Variants in AP2A2 observed in about 807,000 individuals in gnomAD.
The protein encoded by AP2A2 is adaptor related protein complex 2 subunit alpha 2, also known as AP-2 complex subunit alpha-2.
AP2A2 carries 32 observed loss-of-function variants against 104.2 expected under a neutral mutation model. That is an observed-to-expected ratio of 0.31 (90% CI 0.23 to 0.41). AP2A2 has a LOEUF of 0.41. AP2A2 is among the 10% of genes least tolerant of loss of function. The pLI is 1.00. For synonymous variants in AP2A2, 539 were observed against 533.3 expected (o/e 1.01, Z -0.15); for missense variants, 912 against 1,261.0 (o/e 0.72, Z 4.19).
intron 17 of AP2A2, chr11:1,007,358 T>C (rs570157586): frequency 5.2e-5 from 8 of 154,226 alleles, no homozygotes; most frequent in African/African-American, 4.8e-5. Context: ...TTAAAGACTT[T>C]GTTTGGAATC....
At chr11:953,674 T>C (rs10902246) in intron 1 of AP2A2, among the ~76,000 whole-genome samples, 88,573 of 151,308 alleles carry the variant, frequency 0.59, 26,663 homozygotes, top group Middle Eastern at 0.73. Flanking sequence ...CTCCCCTTTT[T>C]CCTGCTTTTG....
In AP2A2 at chr11:992,683, G is replaced by C. The variant is rs771492346; in HGVS notation, c.1450G>C (p.Glu484Gln). 1.6e-5 allele frequency: 26 copies of C among 1,613,716 alleles called. No individual in the cohort carries two copies. The highest frequency in any genetic ancestry group is 2.2e-5 in the South Asian group (2 of 91,092). ...GGGCTACGCGGCCAAGACTGTGTTC[G>C]AGGTATGGCCCGCAGGATGGCAGGA... ...VQGYAAKTVF[E>Q]ALQAPACHEN... Residue 484 changes from glutamate to glutamine, a missense_variant and splice_region_variant, in exon 11 of 22, where the codon GAG (glutamate) becomes CAG (glutamine). By Grantham distance (29) the Glu-to-Gln change is conservative. Around this residue, in one of 7 missense-constraint regions of AP2A2, gnomAD observed 21 missense variants for 62.0 expected, o/e 0.34. Transcript: ENST00000448903. The surrounding 1 kb of genome is among the most constrained non-coding windows in gnomAD (Gnocchi z 6.4).
rs940128280 is a variant in AP2A2, at chr11:968,637, T to G, written c.137-1532T>G. 4.6e-5 allele frequency among the ~76,000 whole-genome samples: 7 copies of G among 152,130 alleles called. No individual in the cohort carries two copies. The highest frequency in any genetic ancestry group is 1.0e-4 in the Non-Finnish European group (7 of 68,022). On this transcript the variant is annotated intron_variant, in intron 2 of 21. Transcript: ENST00000448903. This position sits in a 1 kb window ranked among gnomAD's most constrained non-coding sequence, Gnocchi z 4.2. ...TTCCAGCGGGTGATGGAATCTGGGC[T>G]GGGTAGGAGACACGGTGCTGGGGCT...
intron 1 of AP2A2, 134 bp downstream of exon 1, chr11:926,222 GCGGGCGGCGC>G (rs1853116819): frequency 2.1e-6 from 1 of 481,756 alleles, no homozygotes; most frequent in Admixed American, 5.1e-5. Context: ...GCCTGAGGGT[GCGGGCGGCGC>G]TCGGGGTCTT....
rs558818816 is a variant in AP2A2 at position 999,960 on chromosome 11, C to T, written c.1957-472C>T. 9.9e-5 allele frequency among the ~76,000 whole-genome samples: 15 copies of T among 152,012 alleles called. No individual in the cohort carries two copies. In the East Asian group the frequency reaches 1.7e-3, roughly 18 times the overall value. Reference sequence around the variant, plus strand: ...CTGGGACTACAGGCGCCCACCACCACGCCCGGCTAATTTTTTTTGTATTTT... The same window carrying T: ...CTGGGACTACAGGCGCCCACCACCATGCCCGGCTAATTTTTTTTGTATTTT... On this transcript the variant is annotated intron_variant, in intron 14 of 21. Transcript: ENST00000448903.
intron 1 of AP2A2, 120 bp from the exon 2 acceptor site, chr11:959,317 C>T (rs962862946): frequency 1.4e-6 from 1 of 724,132 alleles, no homozygotes. Flanking sequence ...TTCGGCTTTT[C>T]TCCTGCCTTG....
rs562714384 is a variant in AP2A2 at position 1,006,568 on chromosome 11, G to C, written c.2247G>C (p.Gln749His). ...TTTATGGTAATAAGACCTCCACGCA[G>C]TTCCTAAACTTTACCCCAACACTAA... ...FIFYGNKTST[Q>H]FLNFTPTLIC... Residue 749 changes from glutamine to histidine, a missense_variant, in exon 17 of 22, where the codon CAG becomes CAC. Transcript: ENST00000448903. 23 of 1,613,742 alleles carry C rather than the reference G, an allele frequency of 1.4e-5. No individual in the cohort carries two copies. The African/African-American group carries it at 2.1e-4, about 15-fold the overall frequency.
chr11:966,609 C>T (rs7394613), intron 2 of AP2A2, among the ~76,000 whole-genome samples: 7,646 of 152,274 alleles, frequency 0.05, 258 homozygotes, highest in Middle Eastern at 0.12. Context: ...GAGCAACTGC[C>T]TTGTGCCACA....
At position 935,603 on chromosome 11, in the gene AP2A2, G is replaced by GTTTTTTTTGTTT. The variant is rs1371841792; in HGVS notation, c.67+9523_67+9524insGTTTTTTTTTTT. ...AAGTGTGAGCCACTGTGCCCGGCCA[G>GTTTTTTTTGTTT]TTTTTTTTTTTTTTTTTTTTTTGAG... is the stretch of plus-strand genomic sequence containing the variant. On this transcript the variant is annotated intron_variant, in intron 1 of 21. Transcript: ENST00000448903. Among the ~76,000 whole-genome samples the GTTTTTTTTGTTT allele has an allele frequency of 3.5e-3, 274 of 77,960 alleles. 4 individuals carry two copies. Among genetic ancestry groups the GTTTTTTTTGTTT allele is most frequent in the African/African-American group, 0.012 (265 of 21,366 alleles). The allele number at this position is 77,960 out of a possible 152,430, so 51.1% of individuals were successfully genotyped here.
chr11:933,552 GAC>G (rs1400909518), intron 1 of AP2A2: 1 of 456,324 alleles, frequency 2.2e-6, no homozygotes, highest in Admixed American at 2.3e-5. Context: ...CTGTGCTTGG[GAC>G]AGGGTTGTAA....
At chr11:955,253 T>G (rs548502799) in intron 1 of AP2A2, among the ~76,000 whole-genome samples, 115 of 152,332 alleles carry the variant, frequency 7.5e-4, no homozygotes, top group Non-Finnish European at 9.8e-4. Flanking sequence ...GCAGAGTGCC[T>G]CACCCATGCG....
At chr11:1,008,863 G>A (rs1856301450) in intron 18 of AP2A2, 5 of 562,392 alleles carry the variant, frequency 8.9e-6, no homozygotes, top group Non-Finnish European at 1.6e-5. Flanking sequence ...TGAATGGGGA[G>A]AAGTGAGGCA....
chr11:974,282 C>T (rs371563745), intron 4 of AP2A2, among the ~76,000 whole-genome samples: 4 of 151,376 alleles, frequency 2.6e-5, no homozygotes, highest in African/African-American at 9.8e-5. Context: ...ATGAAGGTCA[C>T]AGGCAGGGTT....
At chr11:982,400 A>G (rs1171713918) in intron 6 of AP2A2, among the ~76,000 whole-genome samples, 3 of 152,316 alleles carry the variant, frequency 2.0e-5, no homozygotes, top group East Asian at 3.9e-4. Flanking sequence ...AGGTTGAGCA[A>G]CTTTGCATGT....
At position 1,010,765 on chromosome 11, in the gene AP2A2, TC is replaced by T; in HGVS notation, c.*144del. On this transcript the variant is annotated 3_prime_UTR_variant, in exon 22 of 22. Coordinates refer to ENST00000448903, the MANE Select transcript of AP2A2 (RefSeq NM_012305.4). ...TCCCCGCCCCGCCGCCCCACACCTC[TC>T]CCCTTTGGGCTGGACGGGAACACAC... 1 of 743,670 alleles carries T rather than the reference TC, an allele frequency of 1.3e-6. No individual in the cohort carries two copies. The highest frequency in any genetic ancestry group is 2.4e-6 in the Non-Finnish European group (1 of 421,876). The allele number at this position is 743,670 out of a possible 1,614,324, so 46.1% of individuals were successfully genotyped here.
chr11:963,438 T>TA (rs959248471), intron 2 of AP2A2, among the ~76,000 whole-genome samples: 32 of 147,250 alleles, frequency 2.2e-4, no homozygotes, highest in African/African-American at 4.0e-4. Context: ...AAAAAAAAAC[T>TA]AAAAAAAAAA....
At chr11:974,055 T>G (rs1219445925) in intron 4 of AP2A2, among the ~76,000 whole-genome samples, 2 of 151,826 alleles carry the variant, frequency 1.3e-5, no homozygotes, top group African/African-American at 4.8e-5. Flanking sequence ...GGAGCCAGGG[T>G]GAGGAGGGGT....
chr11:965,735 C>T (rs1166937235), intron 2 of AP2A2, among the ~76,000 whole-genome samples: 2 of 152,234 alleles, frequency 1.3e-5, no homozygotes, highest in African/African-American at 4.8e-5. Context: ...ACCTGCCATG[C>T]TAGTGGGAGC....
chr11:1,009,643 C>G (rs1856351882), intron 20 of AP2A2, 40 bp from the exon 21 acceptor site: 1 of 1,481,394 alleles, frequency 6.8e-7, no homozygotes, highest in African/African-American at 1.4e-5. Flanking sequence ...CTGCCCGCGA[C>G]CCCGCGCCAG....
Sources: gnomAD v4.1 joint callset for allele counts (sites outside exome capture counted in the v4.1 genomes callset) on GRCh38, gnomAD v4.1.1 for gene constraint, gnomAD v4.1.1 regional missense constraint, Gnocchi (gnomAD v3.1) non-coding constraint, MANE v1.5 for transcripts, NCBI Gene and HGNC (gene_info 2026-07-23, HGNC 2026-07-21) for gene names.